Variants in NALCN observed in about 807,000 individuals in gnomAD.
NALCN encodes sodium leak channel NALCN.
A neutral mutation model predicts 225.3 loss-of-function variants in NALCN; 111 were observed. The observed-to-expected ratio is 0.49, with a 90% CI of 0.42 to 0.58. The LOEUF (loss-of-function observed/expected upper bound fraction) is 0.58, where lower values mean the gene tolerates loss of function less well. NALCN is among the 20% of genes least tolerant of loss of function. The pLI, the probability that NALCN is intolerant of heterozygous loss-of-function variation, is 0.00. For synonymous variants in NALCN, 764 were observed against 769.0 expected, an observed-to-expected ratio of 0.99 and a Z score of 0.11; for missense variants, 1,378 against 2,202.4, an observed-to-expected ratio of 0.63 and a Z score of 7.49.
At chr13:101,058,434 CTGTCA>C in intron 42 of NALCN, 8 of 162,020 alleles carry the variant, frequency 4.9e-5, no homozygotes, top group South Asian at 1.6e-4. Context: ...GGGCAGTCTA[CTGTCA>C]CCAGCCTGGA....
chr13:101,184,552 A>C (rs2039372233), intron 14 of NALCN, among the ~76,000 whole-genome samples: 1 of 152,228 alleles, frequency 6.6e-6, no homozygotes, highest in Non-Finnish European at 1.5e-5. Context: ...AACTACAATA[A>C]ATTTCAGTCA....
chr13:101,076,085 C>G lies in NALCN; in HGVS notation c.3886-144G>C, dbSNP rs983786801. 2.2e-5 allele frequency: 12 copies of G among 539,120 alleles called. No individual in the cohort carries two copies. In the African/African-American group the frequency reaches 2.4e-4, roughly 11 times the overall value. 33.4% of individuals were successfully genotyped at this position (539,120 alleles called of 1,614,324 possible). On this transcript the variant is annotated intron_variant, in intron 34 of 43. Transcript: ENST00000251127. ...ATAAGAAAGTGATCTAAAAAAGGTG[C>G]TGAAAAGGTCACTGCAAAAACTCAT...
At chr13:101,250,694 G>A (rs886792567) in intron 11 of NALCN, among the ~76,000 whole-genome samples, 3 of 151,806 alleles carry the variant, frequency 2.0e-5, no homozygotes, top group Non-Finnish European at 2.9e-5. Context: ...GACACAAAAA[G>A]CACTGAATCA....
intron 30 of NALCN, among the ~76,000 whole-genome samples, chr13:101,087,546 A>G (rs2033993994): frequency 6.6e-6 from 1 of 151,974 alleles, no homozygotes; most frequent in South Asian, 2.1e-4. Flanking sequence ...AGCAATTGAT[A>G]TCTCCAATTA....
In NALCN at chr13:101,054,758, C is replaced by G. The variant is rs564014272; in HGVS notation, c.*537G>C. On this transcript the variant is annotated 3_prime_UTR_variant, in exon 44 of 44. Coordinates refer to ENST00000251127, the MANE Select transcript of NALCN (RefSeq NM_052867.4). ...AATATAACACGAGAAAAAGAAGATACTTTTTAAAATTCAGAATCTGTAGTT... is the reference window on the plus strand; with the variant it reads ...AATATAACACGAGAAAAAGAAGATAGTTTTTAAAATTCAGAATCTGTAGTT... The G allele has an allele frequency of 2.0e-5, 3 of 152,160 alleles. No homozygotes were observed. The highest frequency in any genetic ancestry group is 7.2e-5 in the African/African-American group (3 of 41,422). 9.4% of individuals were successfully genotyped at this position (152,160 alleles called of 1,614,324 possible).
intron 7 of NALCN, among the ~76,000 whole-genome samples, chr13:101,322,352 C>T (rs544360246): frequency 1.1e-4 from 16 of 152,314 alleles, no homozygotes; most frequent in African/African-American, 3.6e-4. Flanking sequence ...ATGTACAATG[C>T]ACATTTTTAA....
At chr13:101,140,763 T>TA (rs1042278113) in intron 17 of NALCN, among the ~76,000 whole-genome samples, 5 of 151,896 alleles carry the variant, frequency 3.3e-5, no homozygotes, top group Admixed American at 2.6e-4. Flanking sequence ...AAGTTTAATT[T>TA]AAAAAAATCA....
chr13:101,182,281 A>T (rs1471854397), intron 14 of NALCN, among the ~76,000 whole-genome samples: 1 of 151,942 alleles, frequency 6.6e-6, no homozygotes, highest in Non-Finnish European at 1.5e-5. Flanking sequence ...AGCTGCACTG[A>T]CTCCTCAAGG....
intron 17 of NALCN, among the ~76,000 whole-genome samples, chr13:101,135,877 C>T (rs1190774946): frequency 6.6e-6 from 1 of 152,096 alleles, no homozygotes; most frequent in East Asian, 1.9e-4. Context: ...TTAGCAGCGG[C>T]CTTAACTCCT....
At chr13:101,140,900 ACCCCAG>A (rs1341451819) in intron 17 of NALCN, among the ~76,000 whole-genome samples, 1 of 152,178 alleles carries the variant, frequency 6.6e-6, no homozygotes, top group African/African-American at 2.4e-5. Context: ...TAGCCACTGC[ACCCCAG>A]CCTGGGCAAC....
In NALCN at chr13:101,284,019, T is replaced by A; in HGVS notation, c.1048A>T (p.Met350Leu). 6.2e-7 allele frequency: 1 copy of A among 1,612,898 alleles called. No individual in the cohort carries two copies. Among genetic ancestry groups the A allele is most frequent in the Non-Finnish European group, 8.5e-7 (1 of 1,179,508 alleles). ...SSTTSTATTQ[M>L]FHEDAAGGWQ... is the part of the protein sequence containing the mutation. ...CCTCCAGCAGCATCTTCATGAAACA[T>A]CTTCAAGACAAAGAAGGGAGATGAG... Residue 350 changes from methionine (M) to leucine (L), a missense_variant and splice_region_variant, in exon 10 of 44, where the codon ATG (methionine) becomes TTG (leucine). Physicochemically the swap from Met to Leu is conservative, Grantham distance 15. Transcript: ENST00000251127.
At chr13:101,102,795 C>T (rs988639631) in intron 26 of NALCN, among the ~76,000 whole-genome samples, 1 of 152,130 alleles carries the variant, frequency 6.6e-6, no homozygotes, top group African/African-American at 2.4e-5. Context: ...GATTAGGAGC[C>T]CAAAAGCATG....
At chr13:101,273,488 T>C (rs947986879) in intron 10 of NALCN, among the ~76,000 whole-genome samples, 2 of 152,152 alleles carry the variant, frequency 1.3e-5, no homozygotes, top group African/African-American at 4.8e-5. Flanking sequence ...TGACTAAACA[T>C]GGGAGAGATG....
At chr13:101,385,776 C>T (rs1005603504) in intron 3 of NALCN, among the ~76,000 whole-genome samples, 2 of 152,172 alleles carry the variant, frequency 1.3e-5, no homozygotes, top group Non-Finnish European at 2.9e-5. Flanking sequence ...ATTGAGTTTA[C>T]CAACCCAGGC....
chr13:101,287,885 T>G (rs1347367627), intron 9 of NALCN, among the ~76,000 whole-genome samples: 3 of 152,200 alleles, frequency 2.0e-5, no homozygotes, highest in Admixed American at 1.3e-4. Flanking sequence ...TGGATAGTGG[T>G]AAGAGAAAGA....
intron 27 of NALCN, among the ~76,000 whole-genome samples, chr13:101,096,489 T>C (rs527383031): frequency 6.6e-6 from 1 of 152,208 alleles, no homozygotes; most frequent in Admixed American, 6.6e-5. Context: ...ATGTTATGAT[T>C]TTATTCATAT....
At chr13:101,293,160 C>A (rs1192265331) in intron 7 of NALCN, among the ~76,000 whole-genome samples, 1 of 152,148 alleles carries the variant, frequency 6.6e-6, no homozygotes, top group Non-Finnish European at 1.5e-5. Context: ...ATTAAGGGAA[C>A]TGGAATTAAC....
intron 13 of NALCN, among the ~76,000 whole-genome samples, chr13:101,209,023 C>G (rs1286434875): frequency 2.0e-5 from 3 of 152,146 alleles, no homozygotes; most frequent in African/African-American, 4.8e-5. Context: ...GTTATTGTAG[C>G]CTTATATGTT....
intron 4 of NALCN, among the ~76,000 whole-genome samples, chr13:101,377,390 T>C (rs1052097231): frequency 6.6e-6 from 1 of 152,188 alleles, no homozygotes; most frequent in Non-Finnish European, 1.5e-5. Context: ...GTGGAGGCTT[T>C]TGAATATCTA....
Sources: allele counts gnomAD v4.1 joint callset (sites outside exome capture counted in the v4.1 genomes callset), GRCh38; gene constraint gnomAD v4.1.1; transcripts MANE v1.5; gene names NCBI Gene and HGNC (gene_info 2026-07-23, HGNC 2026-07-21).